PDE3B: variants seen among roughly 807,000 people sequenced by gnomAD.
PDE3B encodes cGMP-inhibited 3',5'-cyclic phosphodiesterase 3B.
A neutral mutation model predicts 116.8 loss-of-function variants in PDE3B; 66 were observed. The observed-to-expected ratio is 0.56, with a 90% CI of 0.46 to 0.69. The LOEUF is 0.69. PDE3B is among the 30% of genes least tolerant of loss of function. PDE3B has a pLI of 0.00. For synonymous variants in PDE3B, 595 were observed against 533.6 expected (o/e 1.12, Z -1.59); for missense variants, 1,384 against 1,368.1 (o/e 1.01, Z -0.18).
intron 4 of PDE3B, among the ~76,000 whole-genome samples, chr11:14,800,774 CT>C (rs1425058920): frequency 6.6e-6 from 1 of 152,174 alleles, no homozygotes; most frequent in Non-Finnish European, 1.5e-5. Context: ...TCCATTCCCC[CT>C]GTCACTTTCA....
At chr11:14,853,498 A>G (rs1009955768) in intron 12 of PDE3B, among the ~76,000 whole-genome samples, 2 of 152,232 alleles carry the variant, frequency 1.3e-5, no homozygotes, top group South Asian at 2.1e-4. Flanking sequence ...GCCTTCTTCA[A>G]CTAGCACCTG....
intron 2 of PDE3B, among the ~76,000 whole-genome samples, chr11:14,780,410 TG>T (rs1857951773): frequency 6.6e-6 from 1 of 152,130 alleles, no homozygotes; most frequent in African/African-American, 2.4e-5. Context: ...ACCACATAGT[TG>T]GAAGTAAAGC....
intron 4 of PDE3B, among the ~76,000 whole-genome samples, chr11:14,800,824 G>C (rs1858734399): frequency 6.6e-6 from 1 of 151,960 alleles, no homozygotes; most frequent in Admixed American, 6.6e-5. Flanking sequence ...TTTTCACATA[G>C]TCCCTTATTT....
chr11:14,735,258 G>A (rs1301591759), intron 1 of PDE3B, among the ~76,000 whole-genome samples: 1 of 152,168 alleles, frequency 6.6e-6, no homozygotes, highest in Non-Finnish European at 1.5e-5. Context: ...AGTCCAGGAG[G>A]TACAAAGTCT....
the PDE3B span, among the ~76,000 whole-genome samples, chr11:14,878,858 A>T: frequency 2.0e-5 from 3 of 152,060 alleles, no homozygotes; most frequent in Non-Finnish European, 4.4e-5. Flanking sequence ...TCATTCCACA[A>T]GTTTTGAAAA....
At chr11:14,844,690 C>T (rs762699580) in intron 12 of PDE3B, among the ~76,000 whole-genome samples, 3 of 152,230 alleles carry the variant, frequency 2.0e-5, no homozygotes, top group Non-Finnish European at 4.4e-5. Flanking sequence ...TTACATCCCG[C>T]ACCTGGCTCG....
intron 7 of PDE3B, among the ~76,000 whole-genome samples, chr11:14,824,297 G>A (rs145049306): frequency 4.1e-4 from 62 of 152,296 alleles, no homozygotes; most frequent in African/African-American, 1.4e-3. Context: ...GGCTGAGCTG[G>A]CTGAAATGAC....
At chr11:14,891,893 G>A in the PDE3B span, 2 of 1,502,450 alleles carry the variant, frequency 1.3e-6, no homozygotes, top group Admixed American at 2.1e-5. Flanking sequence ...AGTCGGCCCA[G>A]GGGCGGCCAT....
intron 4 of PDE3B, among the ~76,000 whole-genome samples, chr11:14,789,846 A>G (rs1050053847): frequency 2.6e-5 from 4 of 152,036 alleles, no homozygotes; most frequent in Non-Finnish European, 5.9e-5. Context: ...GAATGTAAAT[A>G]TATACATTTA....
chr11:14,802,075 C>T lies in PDE3B; in HGVS notation c.1416-1869C>T, dbSNP rs551183797. 3.3e-5 allele frequency among the ~76,000 whole-genome samples: 5 copies of T among 152,302 alleles called. No individual in the cohort carries two copies. The East Asian group carries it at 5.8e-4, about 18-fold the overall frequency. ...GATCTTAGTTTGCTGGGCTCTGTGGCGGTGAGATCTGCAGAGCCAGACCAC... is the reference window on the plus strand; with the variant it reads ...GATCTTAGTTTGCTGGGCTCTGTGGTGGTGAGATCTGCAGAGCCAGACCAC... On this transcript the variant is annotated intron_variant, in intron 4 of 15. Coordinates refer to ENST00000282096, the MANE Select transcript of PDE3B (RefSeq NM_000922.4).
chr11:14,651,952 A>G (rs180838788), intron 1 of PDE3B, among the ~76,000 whole-genome samples: 1 of 152,280 alleles, frequency 6.6e-6, no homozygotes, highest in East Asian at 1.9e-4. Flanking sequence ...TTGATGTGCA[A>G]AAGTTTTCAA....
intron 5 of PDE3B, among the ~76,000 whole-genome samples, chr11:14,815,871 AAAAGT>A (rs1175878046): frequency 2.0e-5 from 3 of 152,172 alleles, no homozygotes; most frequent in Non-Finnish European, 2.9e-5. Context: ...GAGGAAATTA[AAAAGT>A]AAAGGTACGG....
the PDE3B span, chr11:14,892,008 C>A: frequency 1.2e-6 from 2 of 1,613,368 alleles, no homozygotes; most frequent in Admixed American, 1.7e-5. Context: ...TCTGCTTTCT[C>A]ATGTAGACAT....
the PDE3B span, chr11:14,892,155 CGCGCCGCCGA>C: frequency 2.5e-6 from 4 of 1,610,930 alleles, no homozygotes; most frequent in Non-Finnish European, 3.4e-6. Context: ...GCAGGAAGAG[CGCGCCGCCGA>C]GCGCCGCCGC....
intron 1 of PDE3B, among the ~76,000 whole-genome samples, chr11:14,757,855 G>A (rs1281300176): frequency 1.3e-5 from 2 of 149,554 alleles, no homozygotes; most frequent in African/African-American, 5.0e-5. Flanking sequence ...TGCTTTTGGT[G>A]TTTTGGACAT....
At chr11:14,887,725 C>T in the PDE3B span, 3 of 753,720 alleles carry the variant, frequency 4.0e-6, no homozygotes, top group East Asian at 1.3e-4. Context: ...CCACTCCATA[C>T]ATCCTTCAAG....
At chr11:14,800,299 T>C (rs1012414070) in intron 4 of PDE3B, among the ~76,000 whole-genome samples, 5 of 152,170 alleles carry the variant, frequency 3.3e-5, no homozygotes, top group Non-Finnish European at 7.3e-5. Flanking sequence ...ACCCCGTCTC[T>C]AATAAACATA....
chr11:14,650,324 C>G (rs1281556378), intron 1 of PDE3B, among the ~76,000 whole-genome samples: 1 of 152,078 alleles, frequency 6.6e-6, no homozygotes, highest in African/African-American at 2.4e-5. Context: ...CCACCTCAGC[C>G]TCCTGACTAG....
rs1475729066 is a variant in PDE3B at position 14,871,730 on chromosome 11, G to GT, written c.*2071dup. The stretch of plus-strand genomic sequence containing the variant: ...AACCCTTGCTAAGTAATTGACATAT[G>GT]TAACAATAACTAGCCTAAAGAAACC... On this transcript the variant is annotated 3_prime_UTR_variant, in exon 16 of 16. Transcript: ENST00000282096. 3.3e-5 allele frequency: 5 copies of GT among 152,004 alleles called. No individual in the cohort carries two copies. Among genetic ancestry groups the GT allele is most frequent in the African/African-American group, 1.2e-4 (5 of 41,392 alleles). The allele number at this position is 152,004 out of a possible 1,614,324, so 9.4% of individuals were successfully genotyped here.
Sources: allele counts gnomAD v4.1 joint callset (sites outside exome capture counted in the v4.1 genomes callset), GRCh38; gene constraint gnomAD v4.1.1; transcripts MANE v1.5; gene names NCBI Gene and HGNC (gene_info 2026-07-23, HGNC 2026-07-21).